SPOCK3: variants seen among roughly 807,000 people sequenced by gnomAD.
SPOCK3 encodes the protein SPARC (osteonectin), cwcv and kazal like domains proteoglycan 3.
In SPOCK3, 30 loss-of-function variants were observed where a neutral mutation model predicts 56.6. That is an observed-to-expected ratio of 0.53 (90% CI 0.40 to 0.72). The LOEUF is 0.72. Among genes scored for constraint, SPOCK3 ranks in the 30% least tolerant of loss-of-function variants. The pLI is 0.00. For synonymous variants in SPOCK3, 196 were observed against 183.3 expected (o/e 1.07, Z -0.56); for missense variants, 527 against 530.0 (o/e 0.99, Z 0.06).
At chr4:167,096,453 C>T (rs1453030424) in intron 2 of SPOCK3, among the ~76,000 whole-genome samples, 2 of 151,650 alleles carry the variant, frequency 1.3e-5, no homozygotes, top group African/African-American at 4.8e-5. Context: ...TAAGTTGTAA[C>T]TTCATTTTTT....
intron 2 of SPOCK3, among the ~76,000 whole-genome samples, chr4:167,116,749 C>CGTATATAGTAT (rs1484859191): frequency 1.2e-3 from 151 of 129,072 alleles, no homozygotes; most frequent in Non-Finnish European, 2.1e-3. Flanking sequence ...AGTATATATA[C>CGTATATAGTAT]ATATGTATAT....
intron 6 of SPOCK3, among the ~76,000 whole-genome samples, chr4:166,847,528 A>G: frequency 6.6e-6 from 1 of 151,344 alleles, no homozygotes; most frequent in Non-Finnish European, 1.5e-5. Context: ...TGGTATGAGC[A>G]GCACTGGAGA....
chr4:167,134,345 T>C (rs555919099), intron 2 of SPOCK3, among the ~76,000 whole-genome samples: 216 of 152,246 alleles, frequency 1.4e-3, no homozygotes, highest in African/African-American at 5.1e-3. Flanking sequence ...TGATGACTTG[T>C]ACACCTTTTA....
chr4:167,222,690 TATATAAAC>T (rs941306550), intron 2 of SPOCK3, among the ~76,000 whole-genome samples: 10 of 133,816 alleles, frequency 7.5e-5, no homozygotes, highest in Non-Finnish European at 1.5e-4. Context: ...TATATATGAA[TATATAAAC>T]ATATAAACAT....
intron 4 of SPOCK3, among the ~76,000 whole-genome samples, chr4:166,931,859 G>A (rs899434553): frequency 2.6e-5 from 4 of 152,284 alleles, no homozygotes; most frequent in African/African-American, 9.6e-5. Context: ...AATTGTTGGG[G>A]AAATGGATGT....
chr4:167,217,063 A>G (rs1363548518), intron 2 of SPOCK3, among the ~76,000 whole-genome samples: 1 of 152,142 alleles, frequency 6.6e-6, no homozygotes, highest in Non-Finnish European at 1.5e-5. Flanking sequence ...GTTAAAGAAC[A>G]AAAAACAATT....
At chr4:167,032,013 G>A (rs1370527137) in intron 3 of SPOCK3, among the ~76,000 whole-genome samples, 1 of 151,872 alleles carries the variant, frequency 6.6e-6, no homozygotes, top group African/African-American at 2.4e-5. Context: ...TGCATTAAAA[G>A]ACCAAAATTC....
chr4:166,851,968 T>TA (rs1252027665), intron 6 of SPOCK3, among the ~76,000 whole-genome samples: 3 of 151,544 alleles, frequency 2.0e-5, no homozygotes, highest in Non-Finnish European at 4.4e-5. Flanking sequence ...TATGCAGCCA[T>TA]AAAAAATGAT....
At chr4:166,743,604 T>C (rs890911016) in intron 8 of SPOCK3, among the ~76,000 whole-genome samples, 7 of 151,916 alleles carry the variant, frequency 4.6e-5, no homozygotes, top group South Asian at 4.1e-4. Context: ...TCATTGGGAC[T>C]GGTCAGAAAA....
chr4:166,791,714 T>C (rs1741381202), intron 7 of SPOCK3, among the ~76,000 whole-genome samples: 1 of 152,178 alleles, frequency 6.6e-6, no homozygotes, highest in South Asian at 2.1e-4. Flanking sequence ...GTTTTACTTA[T>C]TTAATTTGCA....
At chr4:167,007,768 T>C (rs1749602251) in intron 3 of SPOCK3, among the ~76,000 whole-genome samples, 1 of 152,204 alleles carries the variant, frequency 6.6e-6, no homozygotes, top group Admixed American at 6.5e-5. Flanking sequence ...CTGTGTTCAA[T>C]AGAACCTCTA....
intron 2 of SPOCK3, among the ~76,000 whole-genome samples, chr4:167,168,939 G>A (rs927106037): frequency 6.6e-6 from 1 of 152,124 alleles, no homozygotes; most frequent in Non-Finnish European, 1.5e-5. Context: ...TGGCTAAAAG[G>A]ATCCAAGGTA....
chr4:167,013,741 T>C (rs1750324844), intron 3 of SPOCK3, among the ~76,000 whole-genome samples: 1 of 152,032 alleles, frequency 6.6e-6, no homozygotes, highest in Non-Finnish European at 1.5e-5. Context: ...AAGCCCCTAC[T>C]AATATGGCGA....
chr4:167,022,635 C>T (rs1056706408), intron 3 of SPOCK3, among the ~76,000 whole-genome samples: 1 of 151,976 alleles, frequency 6.6e-6, no homozygotes, highest in Non-Finnish European at 1.5e-5. Flanking sequence ...GAAATGAATT[C>T]CATTGCATTA....
chr4:166,747,539 C>A (rs368379374), intron 8 of SPOCK3, among the ~76,000 whole-genome samples: 1 of 151,920 alleles, frequency 6.6e-6, no homozygotes, highest in African/African-American at 2.4e-5. Flanking sequence ...TACTGAATGG[C>A]CAAAAACTGG....
intron 4 of SPOCK3, among the ~76,000 whole-genome samples, chr4:166,936,002 C>T (rs1027012195): frequency 6.6e-6 from 1 of 152,062 alleles, no homozygotes; most frequent in Non-Finnish European, 1.5e-5. Context: ...ATTTTTCCTT[C>T]CATTTTTGGT....
At chr4:167,175,443 A>G (rs1207942540) in intron 2 of SPOCK3, among the ~76,000 whole-genome samples, 1 of 152,176 alleles carries the variant, frequency 6.6e-6, no homozygotes, top group Non-Finnish European at 1.5e-5. Flanking sequence ...GCACAAAACA[A>G]TGATTATGGA....
At chr4:166,778,506 G>T (rs1032675315) in intron 7 of SPOCK3, among the ~76,000 whole-genome samples, 2 of 152,122 alleles carry the variant, frequency 1.3e-5, no homozygotes, top group Non-Finnish European at 2.9e-5. Flanking sequence ...TTTGGCGAGG[G>T]GAAGGGGTAA....
intron 6 of SPOCK3, among the ~76,000 whole-genome samples, chr4:166,871,492 C>T (rs1420837851): frequency 2.6e-5 from 4 of 151,960 alleles, no homozygotes; most frequent in Non-Finnish European, 5.9e-5. Flanking sequence ...CTCAAACCAC[C>T]AAAACTCTTT....
Sources: gnomAD v4.1 joint callset for allele counts (sites outside exome capture counted in the v4.1 genomes callset) on GRCh38, gnomAD v4.1.1 for gene constraint, MANE v1.5 for transcripts, NCBI Gene and HGNC (gene_info 2026-07-23, HGNC 2026-07-21) for gene names.